The following ALG9 variants were observed in gnomAD, a reference collection of about 807,000 sequenced individuals.
ALG9 encodes ALG9 alpha-1,2-mannosyltransferase.
Under a neutral mutation model 81.8 loss-of-function variants are expected in ALG9, and 55 were observed. The ratio of observed to expected loss-of-function variants is 0.67; its 90% CI spans 0.54 to 0.84. ALG9 has a LOEUF of 0.84. Ranked by LOEUF, ALG9 falls within the 40% of genes least tolerant of loss-of-function variation. ALG9 has a pLI of 0.00. For synonymous variants in ALG9, 278 were observed against 274.3 expected, an observed-to-expected ratio of 1.01 and a Z score of -0.13; for missense variants, 629 against 745.0, an observed-to-expected ratio of 0.84 and a Z score of 1.81.
Position 111,838,246 on chromosome 11 carries a change from T to G in ALG9, c.1324+3A>C. On this transcript the variant is annotated splice_donor_region_variant and intron_variant, in intron 11 of 14. Coordinates refer to ENST00000616540, the MANE Select transcript of ALG9 (RefSeq NM_024740.2). ...TAGGTTAAGATATTCTTAGAAGATC[T>G]ACCTCTGAACAGTGCCACAGAGCGA... The G allele has an allele frequency of 6.2e-7, 1 of 1,614,068 alleles. No homozygotes were observed.
At position 111,844,755 on chromosome 11, in the gene ALG9, G is replaced by C. The variant is rs115639472; in HGVS notation, c.896-32C>G. On this transcript the variant is annotated intron_variant, in intron 8 of 14. Transcript: ENST00000616540. ...GAGACATAAAGGTAAGAAATCATTA[G>C]TGGATGCCTTTAACACCTATTACGG... 8.7e-4 allele frequency: 1,408 copies of C among 1,610,990 alleles called. 18 individuals carry two copies. In the African/African-American group the frequency reaches 0.016, roughly 19 times the overall value.
At chr11:111,817,441 T>C (rs1555098638) in intron 13 of ALG9, 1 of 151,906 alleles carries the variant, frequency 6.6e-6, no homozygotes, top group African/African-American at 2.4e-5. Context: ...CTCACTGCAG[T>C]CTGTGAGCCA....
chr11:111,850,876 A>C (rs1404444608), intron 8 of ALG9, among the ~76,000 whole-genome samples: 1 of 152,068 alleles, frequency 6.6e-6, no homozygotes, highest in East Asian at 1.9e-4. Flanking sequence ...CTGTTTCAAC[A>C]AAGTTTTTGC....
chr11:111,800,690 C>CGTGTGG (rs1948988712), intron 14 of ALG9, among the ~76,000 whole-genome samples: 1 of 152,110 alleles, frequency 6.6e-6, no homozygotes, highest in Non-Finnish European at 1.5e-5. Context: ...TTTGTAATTA[C>CGTGTGG]CTATTGATTT....
intron 14 of ALG9, 117 bp from the exon 15 acceptor site, chr11:111,786,637 G>A: frequency 8.2e-7 from 1 of 1,220,142 alleles, no homozygotes; most frequent in Non-Finnish European, 1.1e-6. Context: ...TTATTCAAGT[G>A]GCACAGAAAA....
chr11:111,814,339 A>C (rs1290933136), intron 13 of ALG9, among the ~76,000 whole-genome samples: 1 of 152,196 alleles, frequency 6.6e-6, no homozygotes, highest in African/African-American at 2.4e-5. Flanking sequence ...TAAAGAGAAA[A>C]GCAAGAAAAT....
intron 14 of ALG9, among the ~76,000 whole-genome samples, chr11:111,789,311 G>A (rs1555068170): frequency 6.6e-6 from 1 of 151,868 alleles, no homozygotes; most frequent in African/African-American, 2.4e-5. Flanking sequence ...GAGTGCAGTG[G>A]CATGATCATA....
Position 111,786,330 on chromosome 11 carries a change from C to A in ALG9, c.*67G>T. The A allele has an allele frequency of 6.2e-7, 1 of 1,606,430 alleles. No homozygotes were observed. The highest frequency in any genetic ancestry group is 2.2e-5 in the East Asian group (1 of 44,556). On this transcript the variant is annotated 3_prime_UTR_variant, in exon 15 of 15. Coordinates refer to ENST00000616540, the MANE Select transcript of ALG9 (RefSeq NM_024740.2). ...TACAAATGTTACAGGCGATGACTTGCAGGGAGTCAGGTCACTGGAATCAAT... is the reference window on the plus strand; with the variant it reads ...TACAAATGTTACAGGCGATGACTTGAAGGGAGTCAGGTCACTGGAATCAAT...
chr11:111,835,812 G>A lies in ALG9; in HGVS notation c.1602+353C>T, dbSNP rs73568482. On this transcript the variant is annotated intron_variant, in intron 13 of 14. Transcript: ENST00000616540. ...GTTGCCCAGGCTGGAGTGCAGTAGCGGAATCATGGCCTACTGCAGCCTTGA... is the reference window on the plus strand; with the variant it reads ...GTTGCCCAGGCTGGAGTGCAGTAGCAGAATCATGGCCTACTGCAGCCTTGA... Among the ~76,000 whole-genome samples the A allele has an allele frequency of 5.3e-3, 811 of 152,076 alleles. 9 individuals are homozygous for A. Among genetic ancestry groups the A allele is most frequent in the African/African-American group, 0.019 (784 of 41,470 alleles).
chr11:111,837,612 T>C lies in ALG9; in HGVS notation c.1328A>G (p.Tyr443Cys), dbSNP rs1555118897. The C allele has an allele frequency of 2.5e-6, 4 of 1,614,004 alleles. No individual in the cohort carries two copies. The highest frequency in any genetic ancestry group is 3.4e-6 in the Non-Finnish European group (4 of 1,179,914). ...FSRSVALFRG[Y>C]HGPLDLYPEF... ...TGGATACAAATCAAGGGGCCCGTGA[T>C]ATCCTGGAAGGGAGAACAGTTAGTG... is the stretch of plus-strand genomic sequence containing the variant. Residue 443 changes from tyrosine to cysteine, a missense_variant, in exon 12 of 15, where the codon TAT (tyrosine) becomes TGT (cysteine). Physicochemically the swap from Tyr to Cys is radical, Grantham distance 194. Around this residue, in one of 3 missense-constraint regions of ALG9, gnomAD observed 264 missense variants for 302.2 expected, o/e 0.87. Transcript: ENST00000616540.
In ALG9 at chr11:111,786,378, T is replaced by C. The variant is rs1179759606; in HGVS notation, c.*19A>G. 1.2e-6 allele frequency: 2 copies of C among 1,613,858 alleles called. No homozygotes were observed. The highest frequency in any genetic ancestry group is 1.7e-6 in the Non-Finnish European group (2 of 1,179,810). ...AATAGTTAACAAGATGGTTGTCCTTTGGGGCCACAGGTGTGTTGCTAACCT... is the reference window on the plus strand; with the variant it reads ...AATAGTTAACAAGATGGTTGTCCTTCGGGGCCACAGGTGTGTTGCTAACCT... On this transcript the variant is annotated 3_prime_UTR_variant, in exon 15 of 15. Transcript: ENST00000616540.
At position 111,838,377 on chromosome 11, in the gene ALG9, T is replaced by C. The variant is rs1955674490; in HGVS notation, c.1196A>G (p.Lys399Arg). The change falls in exon 11 of 15, where the codon AAA becomes AGA. Residue 399 changes from lysine to arginine, a missense_variant. Lys to Arg is a conservative substitution (Grantham distance 26). Coordinates refer to ENST00000616540, the MANE Select transcript of ALG9 (RefSeq NM_024740.2). ...TCGTTGAAACACAAAGTGGTAACATTTCTGGAAGTACAGAAAACTGTGCTG... is the reference window on the plus strand; with the variant it reads ...TCGTTGAAACACAAAGTGGTAACATCTCTGGAAGTACAGAAAACTGTGCTG... ...ALQHSFLYFQ[K>R]CYHFVFQRYR... 3 of 1,613,060 alleles carry C rather than the reference T, an allele frequency of 1.9e-6. No homozygotes were observed. Among genetic ancestry groups the C allele is most frequent in the Non-Finnish European group, 2.5e-6 (3 of 1,179,110 alleles).
chr11:111,772,606 G>A, the ALG9 span, among the ~76,000 whole-genome samples: 1 of 152,280 alleles, frequency 6.6e-6, no homozygotes, highest in East Asian at 1.9e-4. Context: ...TGGGGCTGTT[G>A]AGCTTACCTC....
chr11:111,824,040 C>T (rs1952843090), intron 13 of ALG9, among the ~76,000 whole-genome samples: 1 of 152,210 alleles, frequency 6.6e-6, no homozygotes, highest in Non-Finnish European at 1.5e-5. Context: ...TTCTCAACAA[C>T]ATATCTCAAA....
chr11:111,809,893 A>C, intron 13 of ALG9, 120 bp from the exon 14 acceptor site: 2 of 1,170,566 alleles, frequency 1.7e-6, no homozygotes, highest in Non-Finnish European at 2.5e-6. Context: ...CCAAGTCTTC[A>C]GACAATGTTG....
intron 13 of ALG9, among the ~76,000 whole-genome samples, chr11:111,832,795 C>T (rs1166907577): frequency 2.6e-5 from 4 of 152,176 alleles, no homozygotes; most frequent in East Asian, 3.9e-4. Flanking sequence ...TCTATAATCC[C>T]AGAGCTTTGA....
downstream of ALG9, among the ~76,000 whole-genome samples, chr11:111,779,248 C>T (rs1214981847): frequency 6.6e-6 from 1 of 152,146 alleles, no homozygotes; most frequent in African/African-American, 2.4e-5. Context: ...CAACCAAAAA[C>T]GCACGCCCTT....
At chr11:111,825,889 G>A (rs1016864032) in intron 13 of ALG9, among the ~76,000 whole-genome samples, 2 of 151,184 alleles carry the variant, frequency 1.3e-5, no homozygotes, top group Non-Finnish European at 1.5e-5. Flanking sequence ...ATGGAGAAAC[G>A]CCATCTCTAC....
At chr11:111,772,900 T>C in the ALG9 span, among the ~76,000 whole-genome samples, 2 of 152,126 alleles carry the variant, frequency 1.3e-5, no homozygotes. Context: ...AGAGTCATGA[T>C]GAAAGGTGCT....
Sources: gnomAD v4.1 joint callset for allele counts (sites outside exome capture counted in the v4.1 genomes callset) on GRCh38, gnomAD v4.1.1 for gene constraint, gnomAD v4.1.1 regional missense constraint, MANE v1.5 for transcripts, NCBI Gene and HGNC (gene_info 2026-07-23, HGNC 2026-07-21) for gene names.